The following EXOC4 variants were observed in gnomAD, a reference collection of about 807,000 sequenced individuals.
The protein encoded by EXOC4 is exocyst complex component 4, also known as SEC8-like 1.
Under a neutral mutation model 107.2 loss-of-function variants are expected in EXOC4, and 71 were observed. The observed-to-expected ratio is 0.66, with a 90% CI of 0.55 to 0.81. The LOEUF is 0.81. Ranked by LOEUF, EXOC4 falls within the 30% of genes least tolerant of loss-of-function variation. The probability of loss-of-function intolerance (pLI) is 0.00; values close to 1 mark genes in which losing one functional copy is unlikely to be tolerated. For missense variants in EXOC4, 1,108 were observed against 1,189.6 expected, an observed-to-expected ratio of 0.93 and a Z score of 1.01; for synonymous variants, 456 against 441.2, an observed-to-expected ratio of 1.03 and a Z score of -0.42.
chr7:133,349,572 T>C (rs1006661750), intron 5 of EXOC4, among the ~76,000 whole-genome samples: 1 of 152,206 alleles, frequency 6.6e-6, no homozygotes, highest in Non-Finnish European at 1.5e-5. Flanking sequence ...GATGGACTCT[T>C]GAGTTGCTTC....
chr7:133,824,777 G>A (rs368724515), intron 11 of EXOC4, among the ~76,000 whole-genome samples: 1 of 152,054 alleles, frequency 6.6e-6, no homozygotes, highest in East Asian at 1.9e-4. Flanking sequence ...TGTCTCTATC[G>A]TAACGTGGCG....
intron 7 of EXOC4, among the ~76,000 whole-genome samples, chr7:133,384,532 C>A (rs546205436): frequency 3.6e-4 from 55 of 152,112 alleles, no homozygotes; most frequent in African/African-American, 1.3e-3. Flanking sequence ...TTGCTAGGAT[C>A]CAAGAGGCCA....
chr7:133,906,843 C>T lies in EXOC4; in HGVS notation c.1872-10740C>T, dbSNP rs141992483. Among the ~76,000 whole-genome samples, 368 of 152,310 alleles carry T rather than the reference C, an allele frequency of 2.4e-3. 5 individuals are homozygous for T. The highest frequency in any genetic ancestry group is 8.2e-3 in the African/African-American group (342 of 41,568). On this transcript the variant is annotated intron_variant, in intron 12 of 17. Coordinates refer to ENST00000253861, the MANE Select transcript of EXOC4 (RefSeq NM_021807.4). ...CATTGCTCCTGCACAGATAAGTGTC[C>T]GGGTTCGTCCTAATCAAGCTGAACA...
At chr7:133,554,766 C>T (rs538233230) in intron 9 of EXOC4, among the ~76,000 whole-genome samples, 13 of 152,230 alleles carry the variant, frequency 8.5e-5, no homozygotes, top group Admixed American at 6.5e-4. Context: ...ATTATAATTT[C>T]GCATTTATAC....
At chr7:133,480,285 A>G in intron 9 of EXOC4, 147 bp downstream of exon 9, 10 of 1,471,840 alleles carry the variant, frequency 6.8e-6, no homozygotes, top group Non-Finnish European at 9.0e-6. Context: ...GTAATTTCCC[A>G]GCATCTGCTG....
intron 9 of EXOC4, among the ~76,000 whole-genome samples, chr7:133,536,212 C>G (rs982325158): frequency 6.6e-5 from 10 of 152,216 alleles, no homozygotes; most frequent in Non-Finnish European, 1.3e-4. Context: ...AGAGAAATGC[C>G]TGCCATGGTC....
rs933030383 is a variant in EXOC4 at position 133,390,954 on chromosome 7, T to C, written c.1182+15952T>C. 2.0e-5 allele frequency among the ~76,000 whole-genome samples: 3 copies of C among 152,344 alleles called. No individual in the cohort carries two copies. In the South Asian group the frequency reaches 6.2e-4, roughly 32 times the overall value. Reference sequence around the variant, plus strand: ...AGCATTGAACACAGGTGATGTACCCTTCTTCACAGGGGAATTGTGTTCAAA... The same window carrying C: ...AGCATTGAACACAGGTGATGTACCCCTCTTCACAGGGGAATTGTGTTCAAA... On this transcript the variant is annotated intron_variant, in intron 7 of 17. Coordinates refer to ENST00000253861, the MANE Select transcript of EXOC4 (RefSeq NM_021807.4).
intron 7 of EXOC4, among the ~76,000 whole-genome samples, chr7:133,434,947 T>C (rs1797935400): frequency 6.6e-6 from 1 of 152,228 alleles, no homozygotes; most frequent in African/African-American, 2.4e-5. Context: ...TGGTGATGCC[T>C]AATTTATTTA....
At chr7:133,541,876 A>G in intron 9 of EXOC4, among the ~76,000 whole-genome samples, 1 of 152,032 alleles carries the variant, frequency 6.6e-6, no homozygotes, top group East Asian at 1.9e-4. Flanking sequence ...TTCCCCAGGC[A>G]CTGTACCCTG....
intron 11 of EXOC4, among the ~76,000 whole-genome samples, chr7:133,857,920 G>A (rs895661532): frequency 2.6e-5 from 4 of 152,096 alleles, no homozygotes; most frequent in Non-Finnish European, 4.4e-5. Context: ...TCACTCTGGC[G>A]TACAGCTCCC....
chr7:133,952,588 G>C (rs2116798210), intron 14 of EXOC4, among the ~76,000 whole-genome samples: 1 of 152,242 alleles, frequency 6.6e-6, no homozygotes, highest in East Asian at 1.9e-4. Context: ...TCATCCATCT[G>C]CAGAACTTTT....
intron 10 of EXOC4, among the ~76,000 whole-genome samples, chr7:133,779,507 C>T (rs577497938): frequency 6.6e-6 from 1 of 152,126 alleles, no homozygotes; most frequent in African/African-American, 2.4e-5. Flanking sequence ...TTATTGAGTT[C>T]TTGATATTTA....
chr7:133,279,816 G>T (rs931991725), intron 2 of EXOC4, among the ~76,000 whole-genome samples: 1 of 152,116 alleles, frequency 6.6e-6, no homozygotes, highest in Non-Finnish European at 1.5e-5. Context: ...GCTGTGCCTG[G>T]CCTACATGTC....
chr7:133,720,598 A>G (rs1795087807), intron 10 of EXOC4, among the ~76,000 whole-genome samples: 1 of 152,140 alleles, frequency 6.6e-6, no homozygotes, highest in African/African-American at 2.4e-5. Flanking sequence ...AGTTTGGTGG[A>G]TTTTGCATGC....
At chr7:133,487,788 G>A (rs1038783969) in intron 9 of EXOC4, among the ~76,000 whole-genome samples, 8 of 152,116 alleles carry the variant, frequency 5.3e-5, no homozygotes, top group African/African-American at 1.7e-4. Context: ...CTGAAATGAT[G>A]CAACAGGGAA....
At chr7:134,046,592 A>G (rs988548758) in intron 17 of EXOC4, among the ~76,000 whole-genome samples, 1 of 144,474 alleles carries the variant, frequency 6.9e-6, no homozygotes, top group African/African-American at 2.6e-5. Context: ...TGTGTTATCT[A>G]TTAATACAGG....
At chr7:133,778,116 A>G (rs1428904250) in intron 10 of EXOC4, among the ~76,000 whole-genome samples, 1 of 152,338 alleles carries the variant, frequency 6.6e-6, no homozygotes, top group East Asian at 1.9e-4. Context: ...GGACTGTGCC[A>G]TGATTAAGAC....
rs113826569 is a variant in EXOC4 at position 133,540,567 on chromosome 7, A to G, written c.1417+60429A>G. 1.6e-3 allele frequency among the ~76,000 whole-genome samples: 246 copies of G among 152,294 alleles called. 1 individual carries two copies. The highest frequency in any genetic ancestry group is 5.7e-3 in the African/African-American group (237 of 41,564). On this transcript the variant is annotated intron_variant, in intron 9 of 17. Transcript: ENST00000253861. ...TTATTCACTTTCAAATTTACAAACAATTTCCAAGTCTGTGCTTTCATTTAC... is the reference window on the plus strand; with the variant it reads ...TTATTCACTTTCAAATTTACAAACAGTTTCCAAGTCTGTGCTTTCATTTAC...
At chr7:134,034,319 C>A (rs1272335642) in intron 17 of EXOC4, among the ~76,000 whole-genome samples, 1 of 152,146 alleles carries the variant, frequency 6.6e-6, no homozygotes, top group Non-Finnish European at 1.5e-5. Context: ...AGCAACTATA[C>A]AGGAAATGTG....
Sources: gnomAD v4.1 joint callset for allele counts (sites outside exome capture counted in the v4.1 genomes callset) on GRCh38, gnomAD v4.1.1 for gene constraint, MANE v1.5 for transcripts, NCBI Gene and HGNC (gene_info 2026-07-23, HGNC 2026-07-21) for gene names.